Variants in LRRC37A2 observed in about 807,000 individuals in gnomAD.
The protein encoded by LRRC37A2 is leucine rich repeat containing 37 member A2.
In LRRC37A2, 9 loss-of-function variants were observed where a neutral mutation model predicts 68.8. The observed-to-expected ratio is 0.13, with a 90% CI of 0.08 to 0.23. The LOEUF (loss-of-function observed/expected upper bound fraction) is 0.23. LRRC37A2 is among the 10% of genes least tolerant of loss of function. The pLI is 1.00. For synonymous variants in LRRC37A2, 63 were observed against 367.6 expected, an observed-to-expected ratio of 0.17 and a Z score of 9.48; for missense variants, 168 against 950.4, an observed-to-expected ratio of 0.18 and a Z score of 10.82.
At chr17:46,992,970 T>C in the LRRC37A2 span, among the ~76,000 whole-genome samples, 2 of 151,804 alleles carry the variant, frequency 1.3e-5, no homozygotes, top group African/African-American at 4.8e-5. Flanking sequence ...GACTCCTTTC[T>C]GGTAAGTTTC....
chr17:46,938,250 C>T, the LRRC37A2 span, among the ~76,000 whole-genome samples: 2 of 152,136 alleles, frequency 1.3e-5, no homozygotes, highest in African/African-American at 2.4e-5. Flanking sequence ...TATGAACCAT[C>T]TCAAATTAAT....
chr17:46,801,206 G>A, the LRRC37A2 span, among the ~76,000 whole-genome samples: 1 of 152,220 alleles, frequency 6.6e-6, no homozygotes, highest in Non-Finnish European at 1.5e-5. Flanking sequence ...CCAGGCCCAT[G>A]TGCTTACCCA....
the LRRC37A2 span, among the ~76,000 whole-genome samples, chr17:46,971,240 G>A: frequency 2.0e-5 from 3 of 152,124 alleles, no homozygotes; most frequent in African/African-American, 7.2e-5. Context: ...GGGAGGCTGA[G>A]GGAGGAGAAT....
chr17:46,743,282 T>C, the LRRC37A2 span, among the ~76,000 whole-genome samples: 1 of 152,194 alleles, frequency 6.6e-6, no homozygotes, highest in Non-Finnish European at 1.5e-5. Flanking sequence ...CTCACCCACC[T>C]GACCTAACCG....
the LRRC37A2 span, among the ~76,000 whole-genome samples, chr17:46,462,489 G>C: frequency 1.1e-4 from 8 of 72,288 alleles, no homozygotes; most frequent in African/African-American, 3.4e-4. Context: ...GAAGAGTTAT[G>C]AGAATTTTGA....
the LRRC37A2 span, among the ~76,000 whole-genome samples, chr17:46,907,855 TA>T: frequency 2.3e-3 from 333 of 143,478 alleles, no homozygotes; most frequent in Non-Finnish European, 3.6e-3. Flanking sequence ...GACCCTGTCT[TA>T]AAAAAAAAAA....
the LRRC37A2 span, among the ~76,000 whole-genome samples, chr17:46,844,882 G>T: frequency 1.3e-5 from 2 of 150,704 alleles, no homozygotes; most frequent in Admixed American, 6.6e-5. Flanking sequence ...TTTTGCTCTT[G>T]TTGCCCCAGG....
the LRRC37A2 span, among the ~76,000 whole-genome samples, chr17:46,804,499 C>A: frequency 3.9e-5 from 6 of 152,158 alleles, no homozygotes; most frequent in South Asian, 1.2e-3. Context: ...CTGTAAGACA[C>A]CAGACGGAAG....
chr17:46,475,703 T>G, the LRRC37A2 span, among the ~76,000 whole-genome samples: 1 of 77,536 alleles, frequency 1.3e-5, no homozygotes, highest in Admixed American at 1.3e-4. Context: ...CAGAGGTGCT[T>G]TCAGGGTCAG....
At chr17:47,017,101 C>G in the LRRC37A2 span, 1 of 1,552,268 alleles carries the variant, frequency 6.4e-7, no homozygotes, top group Non-Finnish European at 8.7e-7. Flanking sequence ...GCCCTGGTGA[C>G]ATGGAGCAGA....
At chr17:46,817,386 C>G in the LRRC37A2 span, among the ~76,000 whole-genome samples, 4 of 152,116 alleles carry the variant, frequency 2.6e-5, no homozygotes, top group African/African-American at 9.7e-5. Flanking sequence ...CCGCCCAGGC[C>G]AAGGCTCTCC....
the LRRC37A2 span, among the ~76,000 whole-genome samples, chr17:46,828,698 C>T: frequency 1.3e-5 from 2 of 151,706 alleles, no homozygotes; most frequent in African/African-American, 4.9e-5. Flanking sequence ...TGGCTCATGC[C>T]TGTATTTCCA....
the LRRC37A2 span, among the ~76,000 whole-genome samples, chr17:46,899,527 A>G: frequency 1.3e-5 from 2 of 152,316 alleles, no homozygotes; most frequent in Admixed American, 1.3e-4. Flanking sequence ...AACACTACAT[A>G]TTGTATGATT....
the LRRC37A2 span, chr17:46,831,381 C>T: frequency 6.6e-6 from 1 of 152,264 alleles, no homozygotes; most frequent in Non-Finnish European, 1.5e-5. Flanking sequence ...GGTGGCCCAT[C>T]CAGCCTTAAG....
chr17:47,043,620 G>C, the LRRC37A2 span, among the ~76,000 whole-genome samples: 1 of 150,444 alleles, frequency 6.6e-6, no homozygotes, highest in African/African-American at 2.4e-5. Flanking sequence ...AGACAAGTGG[G>C]AGTATGGTTT....
the LRRC37A2 span, chr17:46,762,633 G>C: frequency 6.6e-6 from 1 of 150,824 alleles, no homozygotes; most frequent in Non-Finnish European, 1.5e-5. Flanking sequence ...TATATACATT[G>C]TATAATAAAT....
chr17:46,780,129 A>G, the LRRC37A2 span, among the ~76,000 whole-genome samples: 1 of 152,130 alleles, frequency 6.6e-6, no homozygotes, highest in Non-Finnish European at 1.5e-5. Flanking sequence ...TGACTTACGC[A>G]CCTAACATAT....
the LRRC37A2 span, chr17:46,929,831 G>A: frequency 2.0e-6 from 1 of 497,922 alleles, no homozygotes. Flanking sequence ...GGGAATGGAA[G>A]CGCTTGCCTC....
the LRRC37A2 span, among the ~76,000 whole-genome samples, chr17:46,899,481 G>A: frequency 2.0e-5 from 3 of 152,204 alleles, no homozygotes; most frequent in South Asian, 4.1e-4. Context: ...AATGAGCCTC[G>A]AGAACATAAT....
Sources: allele counts gnomAD v4.1 joint callset (sites outside exome capture counted in the v4.1 genomes callset), GRCh38; gene constraint gnomAD v4.1.1; transcripts MANE v1.5; gene names NCBI Gene and HGNC (gene_info 2026-07-23, HGNC 2026-07-21).